Variants in KPNA5 observed in about 807,000 individuals in gnomAD.
KPNA5 encodes importin subunit alpha-6.
Under a neutral mutation model 71.3 loss-of-function variants are expected in KPNA5, and 46 were observed. The ratio of observed to expected loss-of-function variants is 0.65; its 90% CI spans 0.51 to 0.83. KPNA5 has a LOEUF of 0.83. KPNA5 is among the 40% of genes least tolerant of loss of function. The pLI is 0.00. For missense variants in KPNA5, 547 were observed against 628.3 expected (o/e 0.87, Z 1.38); for synonymous variants, 207 against 201.4 (o/e 1.03, Z -0.24).
chr6:116,686,704 C>T (rs752220379), intron 1 of KPNA5, among the ~76,000 whole-genome samples: 12 of 151,984 alleles, frequency 7.9e-5, no homozygotes, highest in Admixed American at 1.3e-4. Flanking sequence ...TAATCCATCT[C>T]GAGTTATTTT....
At chr6:116,693,635 A>C (rs1777899293) in intron 4 of KPNA5, among the ~76,000 whole-genome samples, 1 of 152,088 alleles carries the variant, frequency 6.6e-6, no homozygotes, top group African/African-American at 2.4e-5. Flanking sequence ...TCTGGATATT[A>C]GTCCTTTGTC....
At chr6:116,688,242 A>G (rs978870131) in intron 1 of KPNA5, among the ~76,000 whole-genome samples, 6 of 152,122 alleles carry the variant, frequency 3.9e-5, no homozygotes, top group African/African-American at 1.4e-4. Flanking sequence ...ACTCCTTACA[A>G]TAAAATTTGC....
chr6:116,726,374 AT>A, intron 11 of KPNA5, 120 bp from the exon 12 acceptor site: 1 of 746,620 alleles, frequency 1.3e-6, no homozygotes, highest in Non-Finnish European at 2.1e-6. Flanking sequence ...TTAAAAATTT[AT>A]TTTAATGTCA....
In KPNA5 at chr6:116,737,157, C is replaced by T. The variant is rs1779701157; in HGVS notation, c.*4834C>T. The T allele has an allele frequency of 6.6e-6, 1 of 151,940 alleles. No homozygotes were observed. 9.4% of individuals were successfully genotyped at this position (151,940 alleles called of 1,614,324 possible). ...AAAAATGTGATCCTTTAAAGGCTTG[C>T]TTTTAAACTTTGTAAGGCAGGCACA... On this transcript the variant is annotated 3_prime_UTR_variant, in exon 14 of 14. Coordinates refer to ENST00000368564, the MANE Select transcript of KPNA5 (RefSeq NM_001366306.2).
At chr6:116,692,918 A>G (rs1182058711) in intron 4 of KPNA5, among the ~76,000 whole-genome samples, 4 of 152,030 alleles carry the variant, frequency 2.6e-5, no homozygotes, top group East Asian at 1.9e-4. Flanking sequence ...CCGGTGTGTC[A>G]TGTTCCCCTT....
At chr6:116,714,703 T>C (rs1778820099) in intron 7 of KPNA5, among the ~76,000 whole-genome samples, 1 of 152,186 alleles carries the variant, frequency 6.6e-6, no homozygotes, top group Non-Finnish European at 1.5e-5. Context: ...GGTTTCAACA[T>C]CTCATTCATT....
intron 8 of KPNA5, among the ~76,000 whole-genome samples, chr6:116,721,170 G>A (rs1779090874): frequency 6.6e-6 from 1 of 152,044 alleles, no homozygotes; most frequent in Admixed American, 6.5e-5. Flanking sequence ...GCCCAGCAGA[G>A]ATGGTAACTG....
chr6:116,693,134 A>G (rs1777874267), intron 4 of KPNA5, among the ~76,000 whole-genome samples: 1 of 152,094 alleles, frequency 6.6e-6, no homozygotes, highest in Non-Finnish European at 1.5e-5. Context: ...CCAGTCTATC[A>G]TTGTTGGACA....
chr6:116,692,338 A>G lies in KPNA5; in HGVS notation c.286A>G (p.Asn96Asp), dbSNP rs762021355. The G allele has an allele frequency of 1.2e-6, 2 of 1,605,488 alleles. No homozygotes were observed. The highest frequency in any genetic ancestry group is 2.3e-5 in the South Asian group (2 of 87,982). ...TATGGTTCAGATGATTTTTTCTAATAATGCTGATCAACAGCTAACAGCAAC... is the reference window on the plus strand; with the variant it reads ...TATGGTTCAGATGATTTTTTCTAATGATGCTGATCAACAGCTAACAGCAAC... ...TDMVQMIFSN[N>D]ADQQLTATQK... is the part of the protein sequence containing the mutation. The change falls in exon 4 of 14, where the codon AAT becomes GAT. Residue 96 changes from asparagine (N) to aspartate (D), a missense_variant. Asn to Asp is a conservative substitution (Grantham distance 23). Coordinates refer to ENST00000368564, the MANE Select transcript of KPNA5 (RefSeq NM_001366306.2).
intron 7 of KPNA5, among the ~76,000 whole-genome samples, chr6:116,708,690 C>T (rs1353667221): frequency 6.6e-6 from 1 of 152,096 alleles, no homozygotes; most frequent in South Asian, 2.1e-4. Flanking sequence ...CTTTTTTATT[C>T]AAATGTAAAT....
intron 7 of KPNA5, among the ~76,000 whole-genome samples, chr6:116,710,392 T>TA (rs1197355723): frequency 7.3e-5 from 11 of 151,050 alleles, no homozygotes; most frequent in South Asian, 2.1e-4. Flanking sequence ...TCTCTTTTTT[T>TA]AAAAAAAAAA....
Position 116,692,389 on chromosome 6 carries a change from A to G in KPNA5, c.337A>G (p.Lys113Glu), listed in dbSNP as rs1348223929. The G allele has an allele frequency of 6.3e-7, 1 of 1,579,764 alleles. No individual in the cohort carries two copies. Among genetic ancestry groups the G allele is most frequent in the South Asian group, 1.2e-5 (1 of 86,012 alleles). Residue 113 changes from lysine to glutamate, a missense_variant, in exon 4 of 14, where the codon AAA becomes GAA. Coordinates refer to ENST00000368564, the MANE Select transcript of KPNA5 (RefSeq NM_001366306.2). Reference protein sequence around the residue: ...ATQKFRKLLSKEPNPPIDQVI... With the variant: ...ATQKFRKLLSEEPNPPIDQVI... The stretch of plus-strand genomic sequence containing the variant: ...ACAGAAATTTAGAAAGCTGCTTTCT[A>G]AAGGCAAGAATTATTTTCAGTATGC...
At chr6:116,729,355 T>G (rs1046628161) in intron 12 of KPNA5, among the ~76,000 whole-genome samples, 1 of 152,062 alleles carries the variant, frequency 6.6e-6, no homozygotes, top group African/African-American at 2.4e-5. Context: ...TATGTTAAAT[T>G]AGAGAATAGG....
chr6:116,701,434 G>A (rs554297951), intron 5 of KPNA5, among the ~76,000 whole-genome samples: 1 of 152,116 alleles, frequency 6.6e-6, no homozygotes, highest in African/African-American at 2.4e-5. Context: ...TTTTAATTGA[G>A]TTGATACGAT....
At chr6:116,722,458 A>T (rs566647479) in intron 9 of KPNA5, among the ~76,000 whole-genome samples, 169 bp downstream of exon 9, 1 of 152,340 alleles carries the variant, frequency 6.6e-6, no homozygotes, top group Non-Finnish European at 1.5e-5. Context: ...TGACCCTAAA[A>T]TTTGGAACTT....
At position 116,689,422 on chromosome 6, in the gene KPNA5, T is replaced by TA. The variant is rs1351961185; in HGVS notation, c.108dup (p.Gln37ThrfsTer3). On this transcript the variant is annotated frameshift_variant, in exon 2 of 14. Transcript: ENST00000368564. LOFTEE classifies it high-confidence loss of function. Reference sequence around the variant, plus strand: ...CGTAGACGAAGAGAAGAAGAAGGAATACAGCTTAGAAAACAAAAAAGAGAA... The same window carrying TA: ...CGTAGACGAAGAGAAGAAGAAGGAATAACAGCTTAGAAAACAAAAAAGAGAA... 6.2e-7 allele frequency: 1 copy of TA among 1,601,376 alleles called. No individual in the cohort carries two copies. Among genetic ancestry groups the TA allele is most frequent in the Non-Finnish European group, 8.5e-7 (1 of 1,175,690 alleles).
intron 4 of KPNA5, among the ~76,000 whole-genome samples, chr6:116,695,637 T>G (rs1029630956): frequency 1.3e-5 from 2 of 152,214 alleles, no homozygotes; most frequent in African/African-American, 4.8e-5. Context: ...CTGTAATTTA[T>G]ATTCATAAAT....
intron 1 of KPNA5, among the ~76,000 whole-genome samples, chr6:116,681,796 C>T (rs570095909): frequency 7.9e-5 from 12 of 152,298 alleles, no homozygotes; most frequent in Admixed American, 7.8e-4. Flanking sequence ...CAGCCTCCCT[C>T]CTCCACCTGC....
rs569920559 is a variant in KPNA5, at chr6:116,732,190, A to C, written c.1487A>C (p.Lys496Thr). ...CATGAAAATCAGGAAATTTACCAGA[A>C]GGCATTTGATCTGATTGAACATTAC... ...QSHENQEIYQ[K>T]AFDLIEHYFG... The change falls in exon 14 of 14, where the codon AAG (lysine) becomes ACG (threonine). Residue 496 changes from lysine to threonine, a missense_variant. By Grantham distance (78) the Lys-to-Thr change is moderately conservative. Coordinates refer to ENST00000368564, the MANE Select transcript of KPNA5 (RefSeq NM_001366306.2). The C allele has an allele frequency of 9.6e-6, 15 of 1,565,078 alleles. No individual in the cohort carries two copies. In the South Asian group the frequency reaches 1.5e-4, roughly 15 times the overall value.
Sources: allele counts gnomAD v4.1 joint callset (sites outside exome capture counted in the v4.1 genomes callset), GRCh38; gene constraint gnomAD v4.1.1; transcripts MANE v1.5; gene names NCBI Gene and HGNC (gene_info 2026-07-23, HGNC 2026-07-21).